DET1: variants seen among roughly 807,000 people sequenced by gnomAD.
The protein encoded by DET1 is DET1 partner of COP1 E3 ubiquitin ligase.
Under a neutral mutation model 43.7 loss-of-function variants are expected in DET1, and 22 were observed. The observed-to-expected ratio is 0.50, with a 90% CI of 0.36 to 0.72. The LOEUF (loss-of-function observed/expected upper bound fraction) is 0.72. Among genes scored for constraint, DET1 ranks in the 30% least tolerant of loss-of-function variants. The pLI is 0.00. For missense variants in DET1, 713 were observed against 713.3 expected (o/e 1.00, Z 0.00); for synonymous variants, 315 against 266.2 (o/e 1.18, Z -1.79).
At chr15:88,525,820 C>T (rs952956640) in intron 3 of DET1, among the ~76,000 whole-genome samples, 1 of 145,840 alleles carries the variant, frequency 6.9e-6, no homozygotes, top group Admixed American at 6.9e-5. Flanking sequence ...CACCACCACA[C>T]TCGGCTATTT....
downstream of DET1, among the ~76,000 whole-genome samples, chr15:88,511,830 T>C (rs1448829693): frequency 3.9e-5 from 6 of 152,232 alleles, no homozygotes; most frequent in African/African-American, 1.4e-4. Context: ...AGAAAGTCAG[T>C]CTGGATGGCA....
chr15:88,537,742 C>A (rs146490657), intron 1 of DET1, among the ~76,000 whole-genome samples: 2 of 152,182 alleles, frequency 1.3e-5, no homozygotes, highest in African/African-American at 2.4e-5. Context: ...ACCTGTCTAA[C>A]GGGAAGTTCT....
chr15:88,541,609 G>A (rs908315030), intron 1 of DET1, among the ~76,000 whole-genome samples: 2 of 152,192 alleles, frequency 1.3e-5, no homozygotes, highest in African/African-American at 4.8e-5. Flanking sequence ...TTTGGAGTTG[G>A]GTGGCCCTCT....
intron 4 of DET1, 61 bp from the exon 5 acceptor site, chr15:88,513,201 C>A: frequency 6.7e-7 from 1 of 1,491,484 alleles, no homozygotes; most frequent in Non-Finnish European, 9.0e-7. Flanking sequence ...CACCATCGAA[C>A]TGAAATCTAG....
rs139694805 is a variant in DET1 at position 88,527,809 on chromosome 15, G to A, written c.1084-23C>T. 8.6e-5 allele frequency: 133 copies of A among 1,548,538 alleles called. 1 individual carries two copies. In the East Asian group the frequency reaches 2.7e-3, roughly 32 times the overall value. ...TGCCTGCAGAAGAAAAGAGAGAGAG[G>A]TATGGGACAGCTGAGTATAATGCCA... On this transcript the variant is annotated intron_variant, in intron 2 of 4. Transcript: ENST00000268148.
chr15:88,538,102 G>A lies in DET1; in HGVS notation c.-10-6387C>T, dbSNP rs71403940. Among the ~76,000 whole-genome samples the A allele has an allele frequency of 7.8e-3, 1,190 of 152,298 alleles. 9 individuals carry two copies. Among genetic ancestry groups the A allele is most frequent in the Non-Finnish European group, 0.011 (781 of 68,018 alleles). ...GTAGGCATTTGGTACTTTATGGAAC[G>A]AAAGAAGAAAGCCTGACTGAATTGG... On this transcript the variant is annotated intron_variant, in intron 1 of 4. Coordinates refer to ENST00000268148, the MANE Select transcript of DET1 (RefSeq NM_001144074.3).
chr15:88,530,592 G>C, intron 2 of DET1, 31 bp downstream of exon 2: 1 of 1,548,754 alleles, frequency 6.5e-7, no homozygotes, highest in Non-Finnish European at 8.7e-7. Flanking sequence ...AAGGAGATTA[G>C]ACAAGTAAAA....
chr15:88,545,412 C>G (rs1380029955), intron 1 of DET1, among the ~76,000 whole-genome samples: 1 of 152,168 alleles, frequency 6.6e-6, no homozygotes, highest in Non-Finnish European at 1.5e-5. Context: ...CTCCACCATT[C>G]TTAGTCATAA....
intron 1 of DET1, among the ~76,000 whole-genome samples, chr15:88,541,929 G>A (rs1029351881): frequency 1.3e-4 from 20 of 152,154 alleles, no homozygotes; most frequent in Non-Finnish European, 2.1e-4. Context: ...GGCTGTGACC[G>A]CGCTGGGAGG....
At chr15:88,503,402 C>G (rs1398915243) in intron 8 of DET1, 4 of 152,144 alleles carry the variant, frequency 2.6e-5, no homozygotes, top group Non-Finnish European at 1.5e-5. Context: ...GATACAAAGA[C>G]ACAAAAATAT....
chr15:88,507,394 A>G (rs2056152766), intron 7 of DET1, among the ~76,000 whole-genome samples: 1 of 152,204 alleles, frequency 6.6e-6, no homozygotes, highest in Admixed American at 6.5e-5. Flanking sequence ...GACTTCTCAT[A>G]TAGCTTCAAT....
chr15:88,534,827 C>G (rs2056906644), intron 1 of DET1, among the ~76,000 whole-genome samples: 2 of 152,144 alleles, frequency 1.3e-5, no homozygotes, highest in African/African-American at 4.8e-5. Context: ...GCCTACCAAG[C>G]CAAAAATCAC....
chr15:88,541,505 C>T (rs1001522622), intron 1 of DET1, among the ~76,000 whole-genome samples: 2 of 152,150 alleles, frequency 1.3e-5, no homozygotes, highest in African/African-American at 2.4e-5. Context: ...TGTGTAGGGG[C>T]AACCCACCCC....
intron 1 of DET1, among the ~76,000 whole-genome samples, chr15:88,541,911 TG>T (rs1451013149): frequency 1.3e-5 from 2 of 152,210 alleles, no homozygotes; most frequent in Admixed American, 1.3e-4. Context: ...ACCGCCCAAT[TG>T]CCTCCCGGCT....
Position 88,531,938 on chromosome 15 carries a change from C to G in DET1, c.-10-223G>C. 3 of 517,946 alleles carry G rather than the reference C, an allele frequency of 5.8e-6. No individual in the cohort carries two copies. The highest frequency in any genetic ancestry group is 1.0e-5 in the Non-Finnish European group (3 of 296,204). The allele number at this position is 517,946 out of a possible 1,614,324, so 32.1% of individuals were successfully genotyped here. A position where few individuals can be genotyped will look rare whatever the true frequency, so the allele number is the denominator to read the frequency against. On this transcript the variant is annotated intron_variant, in intron 1 of 4. Coordinates refer to ENST00000268148, the MANE Select transcript of DET1 (RefSeq NM_001144074.3). This position sits in a 1 kb window ranked among gnomAD's most constrained non-coding sequence, Gnocchi z 6.2. ...GGAAGGATCTAGTTCACTAGGAATA[C>G]CTTCCAAGTATGCTCAGCTGTTGGG... is the stretch of plus-strand genomic sequence containing the variant.
At chr15:88,509,951 G>A (rs2056179927), downstream of DET1, among the ~76,000 whole-genome samples, 2 of 152,242 alleles carry the variant, frequency 1.3e-5, no homozygotes. Flanking sequence ...TTCAGGCTGT[G>A]TGTGGCAGAA....
rs182003477 is a variant in DET1 at position 88,512,968 on chromosome 15, G to A, written c.1636C>T (p.Arg546Ter). 3.7e-6 allele frequency: 6 copies of A among 1,613,962 alleles called. No homozygotes were observed. The highest frequency in any genetic ancestry group is 4.2e-6 in the Non-Finnish European group (5 of 1,179,872). The change falls in exon 5 of 5, where the codon CGA (arginine) becomes TGA (stop). Residue 546 changes from arginine to a stop codon, truncating the protein, a stop_gained. Transcript: ENST00000268148. LOFTEE classifies it high-confidence loss of function. ...NAEYVVNFHM[R>*]HCCT ...TGAGGCACCTACGTGCAGCAGTGTCGCATATGGAAGTTGACAACATACTCA... is the reference window on the plus strand; with the variant it reads ...TGAGGCACCTACGTGCAGCAGTGTCACATATGGAAGTTGACAACATACTCA...
chr15:88,540,245 A>G (rs1419666091), intron 1 of DET1, among the ~76,000 whole-genome samples: 1 of 152,198 alleles, frequency 6.6e-6, no homozygotes, highest in East Asian at 1.9e-4. Context: ...GAGAACGCCT[A>G]GATCCAACTG....
chr15:88,513,011 A>G lies in DET1; in HGVS notation c.1593T>C (p.Ser531=), dbSNP rs767182017. ...TFHPFEPFAI[S]VQRTNAEYVV... is the part of the protein sequence containing the mutation. Reference sequence around the variant, plus strand: ...CATACTCAGCATTAGTCCTCTGCACAGAAATAGCGAAAGGCTCAAAAGGGT... The same window carrying G: ...CATACTCAGCATTAGTCCTCTGCACGGAAATAGCGAAAGGCTCAAAAGGGT... The change falls in exon 5 of 5, where the codon TCT becomes TCC. Residue 531 remains serine, a synonymous_variant. Transcript: ENST00000268148. The G allele has an allele frequency of 9.9e-6, 16 of 1,614,092 alleles. No homozygotes were observed. Among genetic ancestry groups the G allele is most frequent in the Non-Finnish European group, 8.5e-6 (10 of 1,179,902 alleles).
Sources: allele counts gnomAD v4.1 joint callset (sites outside exome capture counted in the v4.1 genomes callset), GRCh38; gene constraint gnomAD v4.1.1; non-coding constraint Gnocchi (gnomAD v3.1); transcripts MANE v1.5; gene names NCBI Gene and HGNC (gene_info 2026-07-23, HGNC 2026-07-21).